The following YTHDC2 variants were observed in gnomAD, a reference collection of about 807,000 sequenced individuals.
The protein encoded by YTHDC2 is 3'-5' RNA helicase YTHDC2.
A neutral mutation model predicts 174.9 loss-of-function variants in YTHDC2; 45 were observed. The ratio of observed to expected loss-of-function variants is 0.26; its 90% CI spans 0.20 to 0.33. YTHDC2 has a LOEUF of 0.33. YTHDC2 is among the 10% of genes least tolerant of loss of function. The pLI is 1.00. For missense variants in YTHDC2, 1,650 were observed against 1,723.7 expected, an observed-to-expected ratio of 0.96 and a Z score of 0.76; for synonymous variants, 657 against 574.5, an observed-to-expected ratio of 1.14 and a Z score of -2.05.
At chr5:113,546,544 G>A (rs1279496133) in intron 10 of YTHDC2, among the ~76,000 whole-genome samples, 1 of 152,184 alleles carries the variant, frequency 6.6e-6, no homozygotes, top group Admixed American at 6.5e-5. Context: ...CTTTTTAGTA[G>A]CATCATTTTC....
chr5:113,533,442 G>A (rs1163170548), intron 5 of YTHDC2, among the ~76,000 whole-genome samples: 1 of 151,860 alleles, frequency 6.6e-6, no homozygotes, highest in African/African-American at 2.4e-5. Flanking sequence ...CCAGCTACTC[G>A]GGAGGCTGAG....
At chr5:113,540,331 T>A (rs1366453269) in intron 8 of YTHDC2, among the ~76,000 whole-genome samples, 1 of 152,100 alleles carries the variant, frequency 6.6e-6, no homozygotes, top group African/African-American at 2.4e-5. Flanking sequence ...AAAAATACTC[T>A]TAATTCTGGA....
At chr5:113,532,168 T>G (rs1178085333) in intron 4 of YTHDC2, among the ~76,000 whole-genome samples, 1 of 152,226 alleles carries the variant, frequency 6.6e-6, no homozygotes, top group Non-Finnish European at 1.5e-5. Flanking sequence ...TAGGTAGATC[T>G]GGTATGTTAT....
At chr5:113,515,160 TATA>T in intron 1 of YTHDC2, 109 bp from the exon 2 acceptor site, 1 of 619,448 alleles carries the variant, frequency 1.6e-6, no homozygotes, top group East Asian at 2.9e-5. Context: ...TCAAATAAAG[TATA>T]ATAAATTTGA....
At chr5:113,571,106 G>A (rs546921024) in intron 23 of YTHDC2, among the ~76,000 whole-genome samples, 116 of 152,262 alleles carry the variant, frequency 7.6e-4, no homozygotes, top group African/African-American at 2.6e-3. Flanking sequence ...GTATGATACT[G>A]GCTGTGGGTT....
At chr5:113,549,101 T>C in intron 12 of YTHDC2, 81 bp downstream of exon 12, 1 of 1,206,256 alleles carries the variant, frequency 8.3e-7, no homozygotes, top group Non-Finnish European at 1.2e-6. Flanking sequence ...GCTATTCAAA[T>C]GTAGACCATT....
chr5:113,546,283 C>T (rs982755505), intron 10 of YTHDC2, among the ~76,000 whole-genome samples: 1 of 152,140 alleles, frequency 6.6e-6, no homozygotes, highest in Admixed American at 6.6e-5. Flanking sequence ...TTAGTGAATA[C>T]TAGACTGTTA....
intron 23 of YTHDC2, among the ~76,000 whole-genome samples, chr5:113,577,450 A>T (rs971301146): frequency 3.9e-5 from 6 of 152,008 alleles, no homozygotes; most frequent in Non-Finnish European, 7.4e-5. Context: ...GCCTACTGCA[A>T]TCTCTGTCTC....
At chr5:113,584,846 A>G (rs912311520) in intron 26 of YTHDC2, among the ~76,000 whole-genome samples, 2 of 134,772 alleles carry the variant, frequency 1.5e-5, no homozygotes, top group African/African-American at 5.8e-5. Context: ...GTACAATCAT[A>G]TCTACTGCAG....
chr5:113,516,189 T>G (rs553174689), intron 2 of YTHDC2, among the ~76,000 whole-genome samples: 1 of 152,366 alleles, frequency 6.6e-6, no homozygotes, highest in African/African-American at 2.4e-5. Flanking sequence ...GAAAAATGGA[T>G]GTACAAAAGA....
At chr5:113,518,753 C>G (rs1773660620) in intron 2 of YTHDC2, among the ~76,000 whole-genome samples, 2 of 151,950 alleles carry the variant, frequency 1.3e-5, no homozygotes, top group South Asian at 2.1e-4. Context: ...AGATTCCAGA[C>G]TTATTGTGTG....
At chr5:113,574,258 C>T (rs1348803126) in intron 23 of YTHDC2, among the ~76,000 whole-genome samples, 1 of 152,090 alleles carries the variant, frequency 6.6e-6, no homozygotes, top group Non-Finnish European at 1.5e-5. Context: ...ACCTCAGTTG[C>T]CTCAGTTTTT....
chr5:113,588,562 T>C (rs1176263612), intron 26 of YTHDC2, among the ~76,000 whole-genome samples: 1 of 151,958 alleles, frequency 6.6e-6, no homozygotes, highest in Non-Finnish European at 1.5e-5. Context: ...GTATTATTTC[T>C]TCCTTGAATA....
chr5:113,554,119 T>C, intron 16 of YTHDC2, 97 bp downstream of exon 16: 8 of 1,142,660 alleles, frequency 7.0e-6, no homozygotes, highest in Non-Finnish European at 9.2e-6. Context: ...TTTCTTTTAA[T>C]TTTACCTCTA....
In YTHDC2 at chr5:113,553,842, T is replaced by A; in HGVS notation, c.2040T>A (p.Gly680=). The change falls in exon 15 of 30, where the codon GGT becomes GGA. Residue 680 remains glycine, a synonymous_variant. Transcript: ENST00000161863. ...AAGTATTAAAAAACCCACCTGCAGG[T>A]GTTCGAAAAATAGTAAGCTTCATAA... ...QKKVLKNPPA[G]VRKIILSTNI... is the part of the protein sequence containing the mutation. The A allele has an allele frequency of 6.2e-7, 1 of 1,605,718 alleles. No individual in the cohort carries two copies. The highest frequency in any genetic ancestry group is 8.5e-7 in the Non-Finnish European group (1 of 1,177,950).
At chr5:113,537,666 C>T (rs774248711) in intron 7 of YTHDC2, among the ~76,000 whole-genome samples, 2 of 151,828 alleles carry the variant, frequency 1.3e-5, no homozygotes, top group African/African-American at 2.4e-5. Flanking sequence ...TGGAAGCTCT[C>T]ATTCATGCCC....
At chr5:113,579,895 G>C (rs1358032446) in intron 24 of YTHDC2, 200 bp downstream of exon 24, 1 of 985,344 alleles carries the variant, frequency 1.0e-6, no homozygotes, top group Middle Eastern at 5.2e-4. Flanking sequence ...AAACCTAGTT[G>C]TGGCTCATTA....
chr5:113,552,227 A>G (rs754327535), intron 12 of YTHDC2, among the ~76,000 whole-genome samples: 6 of 152,086 alleles, frequency 3.9e-5, no homozygotes, highest in South Asian at 2.1e-4. Flanking sequence ...GACCAATTCA[A>G]TGGTTTTTCA....
chr5:113,572,753 G>A (rs1237822566), intron 23 of YTHDC2, among the ~76,000 whole-genome samples: 2 of 152,166 alleles, frequency 1.3e-5, no homozygotes, highest in East Asian at 3.8e-4. Context: ...TTTAAAGTCT[G>A]TTTTATCAGA....
Sources: gnomAD v4.1 joint callset for allele counts (sites outside exome capture counted in the v4.1 genomes callset) on GRCh38, gnomAD v4.1.1 for gene constraint, MANE v1.5 for transcripts, NCBI Gene and HGNC (gene_info 2026-07-23, HGNC 2026-07-21) for gene names.